Variants in ARID1A observed in about 807,000 individuals in gnomAD.
The protein encoded by ARID1A is AT-rich interaction domain 1A.
Under a neutral mutation model 212.6 loss-of-function variants are expected in ARID1A, and 20 were observed. The observed-to-expected ratio is 0.09, with a 90% CI of 0.07 to 0.14. The LOEUF (loss-of-function observed/expected upper bound fraction) is 0.14, where lower values mean the gene tolerates loss of function less well. Among genes scored for constraint, ARID1A ranks in the 10% least tolerant of loss-of-function variants. The pLI, the probability that ARID1A is intolerant of heterozygous loss-of-function variation, is 1.00. For synonymous variants in ARID1A, 1,376 were observed against 1,222.1 expected (o/e 1.13, Z -2.63); for missense variants, 2,587 against 3,059.0 (o/e 0.85, Z 3.64).
Position 26,779,645 on chromosome 1 carries a change from C to T in ARID1A, c.5747C>T (p.Ser1916Phe), listed in dbSNP as rs1442819237. 1 of 1,614,022 alleles carries T rather than the reference C, an allele frequency of 6.2e-7. No homozygotes were observed. Among genetic ancestry groups the T allele is most frequent in the Non-Finnish European group, 8.5e-7 (1 of 1,180,036 alleles). ...RITATMDDML[S>F]TRSSTLTEDG... is the part of the protein sequence containing the mutation. ...ACAGCCACTATGGATGACATGTTGT[C>T]TACTCGGTCTAGCACCTTGACCGAG... The change falls in exon 20 of 20, where the codon TCT becomes TTT. Residue 1916 changes from serine (S) to phenylalanine (F), a missense_variant. Around this residue, in one of 11 missense-constraint regions of ARID1A, gnomAD observed 890 missense variants for 1,098.2 expected, o/e 0.81. Coordinates refer to ENST00000324856, the MANE Select transcript of ARID1A (RefSeq NM_006015.6).
At chr1:26,710,673 C>T (rs1020437042) in intron 1 of ARID1A, among the ~76,000 whole-genome samples, 14 of 152,068 alleles carry the variant, frequency 9.2e-5, no homozygotes, top group Non-Finnish European at 1.0e-4. Context: ...TCAATATGTT[C>T]TAACAAGTCC....
At chr1:26,776,374 T>C (rs1439310152) in intron 19 of ARID1A, among the ~76,000 whole-genome samples, 3 of 151,236 alleles carry the variant, frequency 2.0e-5, no homozygotes, top group African/African-American at 7.3e-5. Context: ...CCTGGGTACA[T>C]GCCATTCTCC....
At chr1:26,719,992 C>T (rs1416376782) in intron 1 of ARID1A, among the ~76,000 whole-genome samples, 2 of 149,384 alleles carry the variant, frequency 1.3e-5, no homozygotes, top group Non-Finnish European at 3.0e-5. Context: ...GTGGCTCACA[C>T]CTGTAATCCC....
Position 26,762,257 on chromosome 1 carries a change from G to A in ARID1A, c.2357G>A (p.Gly786Asp), listed in dbSNP as rs769121528. The part of the protein sequence containing the change: ...PSGGQIHTGM[G>D]SYQQNSMGSY... ...GGAGGACAGATACACACAGGCATGG[G>A]CTCCTACCAGCAGAACTCCATGGGG... Residue 786 changes from glycine to aspartate, a missense_variant, in exon 7 of 20, where the codon GGC becomes GAC. Physicochemically the swap from Gly to Asp is moderately conservative, Grantham distance 94. This residue lies in a region of ARID1A where 674 missense variants were observed against 813.4 expected (regional missense o/e 0.83). Coordinates refer to ENST00000324856, the MANE Select transcript of ARID1A (RefSeq NM_006015.6). 2 of 1,614,176 alleles carry A rather than the reference G, an allele frequency of 1.2e-6. No homozygotes were observed. Among genetic ancestry groups the A allele is most frequent in the Non-Finnish European group, 1.7e-6 (2 of 1,180,032 alleles).
At chr1:26,762,019 A>G (rs1273850532) in intron 6 of ARID1A, 133 bp from the exon 7 acceptor site, 2 of 1,050,026 alleles carry the variant, frequency 1.9e-6, no homozygotes, top group African/African-American at 1.6e-5. Flanking sequence ...ACCACTATAT[A>G]GAAAATCAGA....
intron 4 of ARID1A, among the ~76,000 whole-genome samples, chr1:26,760,331 C>T (rs1451070406): frequency 6.6e-6 from 1 of 152,084 alleles, no homozygotes; most frequent in Non-Finnish European, 1.5e-5. Flanking sequence ...GCTTTATGGC[C>T]CACAAAGGTC....
At chr1:26,702,333 A>G (rs1437117535) in intron 1 of ARID1A, among the ~76,000 whole-genome samples, 1 of 152,222 alleles carries the variant, frequency 6.6e-6, no homozygotes, top group Non-Finnish European at 1.5e-5. Flanking sequence ...TCTCCAGCAC[A>G]CCTGAATTTC....
At chr1:26,759,193 G>C (rs950763404) in intron 4 of ARID1A, among the ~76,000 whole-genome samples, 3 of 152,046 alleles carry the variant, frequency 2.0e-5, no homozygotes, top group Admixed American at 2.0e-4. Flanking sequence ...TTTCGGTTTT[G>C]TTTTTGTGTG....
At position 26,766,541 on chromosome 1, in the gene ARID1A, C is replaced by T. The variant is rs2124082030; in HGVS notation, c.2963C>T (p.Thr988Ile). The T allele has an allele frequency of 6.2e-7, 1 of 1,613,064 alleles. No individual in the cohort carries two copies. The highest frequency in any genetic ancestry group is 8.5e-7 in the Non-Finnish European group (1 of 1,179,478). ...ATKMNNKADG[T>I]PKTESKSKKS... ...AAAATGAACAACAAGGCAGATGGGA[C>T]ACCCAAGACAGAATCCAAATCCAAG... Residue 988 changes from threonine to isoleucine, a missense_variant, in exon 10 of 20, where the codon ACA becomes ATA. This residue lies in a region of ARID1A where 674 missense variants were observed against 813.4 expected (regional missense o/e 0.83). Transcript: ENST00000324856.
chr1:26,738,942 C>T (rs1339133411), intron 4 of ARID1A, among the ~76,000 whole-genome samples: 3 of 144,108 alleles, frequency 2.1e-5, no homozygotes, highest in Non-Finnish European at 3.0e-5. Context: ...TGCTGGAGTA[C>T]AGTGGTGCCA....
At chr1:26,773,540 A>G (rs2124112064) in intron 15 of ARID1A, 40 bp from the exon 16 acceptor site, 2 of 1,613,950 alleles carry the variant, frequency 1.2e-6, no homozygotes, top group Admixed American at 1.7e-5. Flanking sequence ...AGCACCCTGA[A>G]GCTATAGTGG....
intron 1 of ARID1A, among the ~76,000 whole-genome samples, chr1:26,699,228 T>C (rs548695211): frequency 3.9e-5 from 6 of 152,368 alleles, no homozygotes; most frequent in African/African-American, 1.2e-4. Context: ...CACTTAAGAT[T>C]TGCTTAGAAA....
intron 1 of ARID1A, among the ~76,000 whole-genome samples, chr1:26,710,853 G>T (rs897560038): frequency 6.6e-6 from 1 of 152,130 alleles, no homozygotes; most frequent in African/African-American, 2.4e-5. Context: ...ATTAATGAAT[G>T]GAGAAAAGGT....
rs563968948 is a variant in ARID1A, at chr1:26,715,964, G to C, written c.1138-13687G>C. On this transcript the variant is annotated intron_variant, in intron 1 of 19. Transcript: ENST00000324856. Reference sequence around the variant, plus strand: ...GCTCACGCCTGTAATCCCAGTACTTGGGGAGACTGAGGTGGGCGGATCATG... The same window carrying C: ...GCTCACGCCTGTAATCCCAGTACTTCGGGAGACTGAGGTGGGCGGATCATG... Among the ~76,000 whole-genome samples, 14 of 152,074 alleles carry C rather than the reference G, an allele frequency of 9.2e-5. No individual in the cohort carries two copies. The East Asian group carries it at 2.7e-3, about 29-fold the overall frequency.
chr1:26,775,372 A>C, intron 18 of ARID1A, 152 bp downstream of exon 18: 1 of 1,410,810 alleles, frequency 7.1e-7, no homozygotes, highest in Non-Finnish European at 9.3e-7. Flanking sequence ...AAATAAGCTA[A>C]CTAAAGGTTC....
At position 26,767,930 on chromosome 1, in the gene ARID1A, T is replaced by C; in HGVS notation, c.3129T>C (p.Ala1043=). 6.2e-7 allele frequency: 1 copy of C among 1,614,154 alleles called. No homozygotes were observed. Among genetic ancestry groups the C allele is most frequent in the Non-Finnish European group, 8.5e-7 (1 of 1,179,994 alleles). The change falls in exon 11 of 20, where the codon GCT becomes GCC. Residue 1043 remains alanine, a synonymous_variant. Transcript: ENST00000324856. ...EKAMGMTNLP[A]VGRKPLDLYR... is the part of the protein sequence containing the mutation. Reference sequence around the variant, plus strand: ...CCATGGGCATGACAAATCTGCCTGCTGTGGGTAGGAAACCTCTGGACCTCT... The same window carrying C: ...CCATGGGCATGACAAATCTGCCTGCCGTGGGTAGGAAACCTCTGGACCTCT...
At chr1:26,728,119 T>G (rs1172957455) in intron 1 of ARID1A, among the ~76,000 whole-genome samples, 4 of 152,222 alleles carry the variant, frequency 2.6e-5, no homozygotes, top group Admixed American at 2.0e-4. Context: ...AATATTGACA[T>G]GTAGTAGTGA....
chr1:26,779,498 C>T lies in ARID1A; in HGVS notation c.5600C>T (p.Pro1867Leu). ...TTCGAGAGCAAGACAGAGCTGCTGC[C>T]TTCCCGGCCTCACGCACCCTGCCCA... is the stretch of plus-strand genomic sequence containing the variant. Reference protein sequence around the residue: ...THFESKTELLPSRPHAPCPPA... With the variant: ...THFESKTELLLSRPHAPCPPA... The change falls in exon 20 of 20, where the codon CCT becomes CTT. Residue 1867 changes from proline (P) to leucine (L), a missense_variant. Physicochemically the swap from Pro to Leu is moderately conservative, Grantham distance 98 (BLOSUM62 -3). Coordinates refer to ENST00000324856, the MANE Select transcript of ARID1A (RefSeq NM_006015.6). 1 of 1,614,162 alleles carries T rather than the reference C, an allele frequency of 6.2e-7. No individual in the cohort carries two copies. Among genetic ancestry groups the T allele is most frequent in the Non-Finnish European group, 8.5e-7 (1 of 1,180,034 alleles).
At chr1:26,773,319 G>T in intron 14 of ARID1A, 27 bp from the exon 15 acceptor site, 1 of 1,543,442 alleles carries the variant, frequency 6.5e-7, no homozygotes. Context: ...TTACCAGTTT[G>T]TTCACCGCTT....
Sources: gnomAD v4.1 joint callset for allele counts (sites outside exome capture counted in the v4.1 genomes callset) on GRCh38, gnomAD v4.1.1 for gene constraint, gnomAD v4.1.1 regional missense constraint, MANE v1.5 for transcripts, NCBI Gene and HGNC (gene_info 2026-07-23, HGNC 2026-07-21) for gene names.